OOEP: variants seen among roughly 807,000 people sequenced by gnomAD.
OOEP encodes oocyte-expressed protein homolog.
Under a neutral mutation model 13.7 loss-of-function variants are expected in OOEP, and 16 were observed. The observed-to-expected ratio is 1.16, with a 90% CI of 0.79 to 1.77. The LOEUF is 1.77. Among genes scored for constraint, OOEP ranks in the 40% most tolerant of loss-of-function variants. The probability of loss-of-function intolerance (pLI) is 0.00; values close to 1 mark genes in which losing one functional copy is unlikely to be tolerated. For synonymous variants in OOEP, 89 were observed against 77.1 expected (o/e 1.15, Z -0.81); for missense variants, 195 against 193.1 (o/e 1.01, Z -0.06).
rs115875914 is a variant in OOEP at position 73,385,920 on chromosome 6, A to G, written c.25+8426T>C. Among the ~76,000 whole-genome samples, 1,455 of 152,122 alleles carry G rather than the reference A, an allele frequency of 9.6e-3. 23 individuals are homozygous for G. Among genetic ancestry groups the G allele is most frequent in the African/African-American group, 0.033 (1,385 of 41,516 alleles). On this transcript the variant is annotated intron_variant, in intron 2 of 3. Coordinates refer to the OOEP transcript ENST00000370363. ...TTTCAAAAAGCCCACAGCTAACATT[A>G]TATAAGATACTTAATGGTAAAAAGA...
chr6:73,381,906 G>A lies in OOEP; in HGVS notation c.25+12440C>T, dbSNP rs552425361. On this transcript the variant is annotated intron_variant, in intron 2 of 3. Transcript: ENST00000370363. Reference sequence around the variant, plus strand: ...TGAGGCTGGAGAATCACTTGAACCCGGGAGGCAGAGGTTGCAGTGAACTGA... The same window carrying A: ...TGAGGCTGGAGAATCACTTGAACCCAGGAGGCAGAGGTTGCAGTGAACTGA... Among the ~76,000 whole-genome samples the A allele has an allele frequency of 8.6e-5, 13 of 151,044 alleles. No individual in the cohort carries two copies. In the East Asian group the frequency reaches 2.4e-3, roughly 28 times the overall value.
At chr6:73,371,736 GC>G, upstream of OOEP, among the ~76,000 whole-genome samples, 1 of 149,006 alleles carries the variant, frequency 6.7e-6, no homozygotes, top group African/African-American at 2.5e-5. Flanking sequence ...GACAACAAGA[GC>G]AAAACTCTGT....
upstream of OOEP, among the ~76,000 whole-genome samples, chr6:73,373,613 C>T (rs1467132866): frequency 3.3e-5 from 5 of 152,168 alleles, no homozygotes; most frequent in African/African-American, 4.8e-5. Flanking sequence ...TATTTAGAGA[C>T]GGAGTTTTGC....
intron 2 of OOEP, among the ~76,000 whole-genome samples, chr6:73,377,670 T>C (rs759482916): frequency 2.8e-4 from 42 of 152,164 alleles, no homozygotes; most frequent in Non-Finnish European, 5.3e-4. Flanking sequence ...TTTACTTGTA[T>C]TGATTCATTC....
At chr6:73,374,340 TTTCCAGGACCCACTCCCATGTGTTTGC>T (rs1769105023), upstream of OOEP, among the ~76,000 whole-genome samples, 1 of 152,154 alleles carries the variant, frequency 6.6e-6, no homozygotes, top group South Asian at 2.1e-4. Flanking sequence ...GACTAGGCCC[TTTCCAGGACCCACTCCCATGTGTTTGC>T]CCAGCTTTCC....
upstream of OOEP, among the ~76,000 whole-genome samples, chr6:73,371,535 G>A (rs2150778959): frequency 6.6e-6 from 1 of 152,170 alleles, no homozygotes; most frequent in Middle Eastern, 3.4e-3. Flanking sequence ...GATCACCTGA[G>A]GTCGGGAGTT....
rs375221508 is a variant in OOEP at position 73,369,742 on chromosome 6, C to G, written c.51G>C (p.Pro17=). 4.3e-6 allele frequency: 7 copies of G among 1,614,018 alleles called. No homozygotes were observed. Among genetic ancestry groups the G allele is most frequent in the Non-Finnish European group, 5.9e-6 (7 of 1,179,896 alleles). Residue 17 remains proline, a synonymous_variant, in exon 1 of 3, where the codon CCG becomes CCC. Coordinates refer to ENST00000370359, the MANE Select transcript of OOEP (RefSeq NM_001080507.3). The stretch of plus-strand genomic sequence containing the variant: ...TACGCAGCTGCTCCAGGGAGTGGGC[C>G]GGAGTCTGTTTGCCCCGCTGGGACT... The part of the protein sequence containing the change: ...AAESQRGKQT[P]AHSLEQLRRL...
upstream of OOEP, among the ~76,000 whole-genome samples, chr6:73,374,810 ACTATTTAT>A (rs1339807624): frequency 6.6e-6 from 1 of 152,008 alleles, no homozygotes; most frequent in Non-Finnish European, 1.5e-5. Flanking sequence ...CTCATACTTA[ACTATTTAT>A]TTACTTATTT....
In OOEP at chr6:73,376,463, C is replaced by T. The variant is rs949848992; in HGVS notation, c.26-7078G>A. ...GCTGATCCTTATACATACAGCCCAA[C>T]GAAACATGATTTTATTTATTTATTT... On this transcript the variant is annotated intron_variant, in intron 2 of 3. Transcript: ENST00000370363. Among the ~76,000 whole-genome samples the T allele has an allele frequency of 7.7e-5, 7 of 91,218 alleles. No individual in the cohort carries two copies. The Admixed American group carries it at 8.5e-4, about 11-fold the overall frequency. The allele number at this position is 91,218 out of a possible 152,430, so 59.8% of individuals were successfully genotyped here. A position where few individuals can be genotyped will look rare whatever the true frequency, so the allele number is the denominator to read the frequency against.
intron 2 of OOEP, among the ~76,000 whole-genome samples, chr6:73,381,774 A>G (rs1012839505): frequency 6.6e-6 from 1 of 152,134 alleles, no homozygotes; most frequent in Admixed American, 6.6e-5. Context: ...TGAAGTCAGG[A>G]GTTCGAGACC....
chr6:73,378,451 C>T (rs1225906396), intron 2 of OOEP, among the ~76,000 whole-genome samples: 1 of 152,042 alleles, frequency 6.6e-6, no homozygotes, highest in African/African-American at 2.4e-5. Flanking sequence ...ATGTTTGGGT[C>T]CCCCTGCTCT....
At chr6:73,393,487 G>A (rs948605863) in intron 2 of OOEP, among the ~76,000 whole-genome samples, 2 of 152,206 alleles carry the variant, frequency 1.3e-5, no homozygotes, top group South Asian at 4.1e-4. Context: ...TCCAGCCACA[G>A]AGCCAGGCTG....
At position 73,368,758 on chromosome 6, in the gene OOEP, A is replaced by G. The variant is rs773375165; in HGVS notation, c.*26T>C. ...TAGCAGCAAAAGTTAGAAAGTTAAG[A>G]TGTTCCCAACAGTAACTATGTTGTC... On this transcript the variant is annotated 3_prime_UTR_variant, in exon 3 of 3. Coordinates refer to ENST00000370359, the MANE Select transcript of OOEP (RefSeq NM_001080507.3). 1.3e-5 allele frequency: 20 copies of G among 1,498,306 alleles called. 1 individual carries two copies. The South Asian group carries it at 2.3e-4, about 17-fold the overall frequency. The allele number at this position is 1,498,306 out of a possible 1,614,324, so 92.8% of individuals were successfully genotyped here. A position where few individuals can be genotyped will look rare whatever the true frequency, so the allele number is the denominator to read the frequency against.
At chr6:73,390,743 A>AT (rs1333886238) in intron 2 of OOEP, among the ~76,000 whole-genome samples, 14 of 144,372 alleles carry the variant, frequency 9.7e-5, no homozygotes, top group South Asian at 2.2e-4. Flanking sequence ...TGCCCAGCTA[A>AT]TTTTTTTTTT....
At chr6:73,383,438 C>T (rs978899955) in intron 2 of OOEP, among the ~76,000 whole-genome samples, 1 of 152,152 alleles carries the variant, frequency 6.6e-6, no homozygotes, top group African/African-American at 2.4e-5. Flanking sequence ...GAGTTTGAGA[C>T]CAGCCTGGTC....
At position 73,369,868 on chromosome 6, in the gene OOEP, G is replaced by C; in HGVS notation, c.-76C>G. 7.1e-7 allele frequency: 1 copy of C among 1,402,958 alleles called. No individual in the cohort carries two copies. The highest frequency in any genetic ancestry group is 9.8e-7 in the Non-Finnish European group (1 of 1,015,768). 86.9% of individuals were successfully genotyped at this position (1,402,958 alleles called of 1,614,324 possible). A position where few individuals can be genotyped will look rare whatever the true frequency, so the allele number is the denominator to read the frequency against. ...CTTCCAGACCCAGGCGCGAAGCTCG[G>C]GCTCTCTTTTACCATATTCGACCCG... On this transcript the variant is annotated 5_prime_UTR_variant, in exon 1 of 3. Transcript: ENST00000370359.
At chr6:73,386,858 C>T (rs572990646) in intron 2 of OOEP, among the ~76,000 whole-genome samples, 1 of 150,840 alleles carries the variant, frequency 6.6e-6, no homozygotes, top group Admixed American at 6.6e-5. Context: ...ATCCCAGCTA[C>T]TCGGGATGCT....
At chr6:73,385,648 C>T (rs1451808436) in intron 2 of OOEP, among the ~76,000 whole-genome samples, 3 of 149,832 alleles carry the variant, frequency 2.0e-5, no homozygotes, top group South Asian at 2.1e-4. Flanking sequence ...AGTGCAGTGG[C>T]GTGGTCTTGG....
intron 2 of OOEP, among the ~76,000 whole-genome samples, chr6:73,388,938 A>G (rs1769310293): frequency 6.6e-6 from 1 of 151,918 alleles, no homozygotes. Flanking sequence ...AAGTTCTCGG[A>G]GGGTAGAGGG....
Sources: gnomAD v4.1 joint callset for allele counts (sites outside exome capture counted in the v4.1 genomes callset) on GRCh38, gnomAD v4.1.1 for gene constraint, MANE v1.5 for transcripts, NCBI Gene and HGNC (gene_info 2026-07-23, HGNC 2026-07-21) for gene names.